The following NT5C2 variants were observed in gnomAD, a reference collection of about 807,000 sequenced individuals.
NT5C2 encodes cytosolic purine 5'-nucleotidase.
In NT5C2, 58 loss-of-function variants were observed where a neutral mutation model predicts 76.1. The observed-to-expected ratio is 0.76, with a 90% CI of 0.62 to 0.95. The LOEUF (loss-of-function observed/expected upper bound fraction) is 0.95, where lower values mean the gene tolerates loss of function less well. NT5C2 is among the 40% of genes least tolerant of loss of function. The probability of loss-of-function intolerance (pLI) is 0.00; values close to 1 mark genes in which losing one functional copy is unlikely to be tolerated. For synonymous variants in NT5C2, 229 were observed against 237.4 expected, an observed-to-expected ratio of 0.96 and a Z score of 0.32; for missense variants, 478 against 690.3, an observed-to-expected ratio of 0.69 and a Z score of 3.45.
chr10:103,156,387 T>G (rs1248342964), intron 3 of NT5C2, among the ~76,000 whole-genome samples: 1 of 152,238 alleles, frequency 6.6e-6, no homozygotes, highest in Middle Eastern at 3.2e-3. Flanking sequence ...CCTCACTTCT[T>G]GGATCTATGG....
intron 3 of NT5C2, among the ~76,000 whole-genome samples, chr10:103,143,477 C>T (rs552442568): frequency 1.3e-5 from 2 of 152,172 alleles, no homozygotes; most frequent in East Asian, 3.9e-4. Flanking sequence ...GTTGCCCAGG[C>T]TGGAGTACAG....
intron 3 of NT5C2, chr10:103,153,524 T>G: frequency 1.0e-6 from 1 of 985,312 alleles, no homozygotes; most frequent in Non-Finnish European, 1.2e-6. Context: ...TTTTTAAAAA[T>G]TTCAAGACTA....
chr10:103,097,929 T>C (rs1157948816), intron 10 of NT5C2: 1 of 468,090 alleles, frequency 2.1e-6, no homozygotes, highest in South Asian at 1.6e-5. Flanking sequence ...CCTTCTCGCA[T>C]AGCAAATAGA....
At chr10:103,095,796 T>G (rs2068026833) in intron 12 of NT5C2, 143 bp downstream of exon 12, 1 of 685,752 alleles carries the variant, frequency 1.5e-6, no homozygotes, top group Non-Finnish European at 2.5e-6. Context: ...TTACTTCTAA[T>G]GTTAATGAAG....
intron 3 of NT5C2, among the ~76,000 whole-genome samples, chr10:103,163,885 C>G (rs999058463): frequency 6.8e-6 from 1 of 146,204 alleles, no homozygotes; most frequent in Non-Finnish European, 1.5e-5. Context: ...AAAAAAAAAA[C>G]CTGGTGGCAC....
At chr10:103,112,238 A>C (rs1392913335) in intron 4 of NT5C2, among the ~76,000 whole-genome samples, 1 of 152,180 alleles carries the variant, frequency 6.6e-6, no homozygotes, top group Non-Finnish European at 1.5e-5. Flanking sequence ...TAAAGGATAC[A>C]AATACCAGAG....
At chr10:103,107,843 A>G (rs1442337189) in intron 4 of NT5C2, among the ~76,000 whole-genome samples, 1 of 151,978 alleles carries the variant, frequency 6.6e-6, no homozygotes, top group Non-Finnish European at 1.5e-5. Flanking sequence ...AGAGTTTACT[A>G]CTGAAATTCA....
chr10:103,157,064 T>C (rs2083565821), intron 3 of NT5C2, among the ~76,000 whole-genome samples: 1 of 149,170 alleles, frequency 6.7e-6, no homozygotes, highest in Non-Finnish European at 1.5e-5. Context: ...TACTCTTATA[T>C]ATATTATATA....
chr10:103,170,985 A>C (rs2087827368), intron 3 of NT5C2, among the ~76,000 whole-genome samples: 2 of 152,200 alleles, frequency 1.3e-5, no homozygotes. Flanking sequence ...CATATAACAT[A>C]ATCTTTTCCA....
At chr10:103,186,969 G>C (rs1014221717) in intron 1 of NT5C2, among the ~76,000 whole-genome samples, 1 of 151,590 alleles carries the variant, frequency 6.6e-6, no homozygotes, top group African/African-American at 2.4e-5. Context: ...TCTAATGTTA[G>C]GCCAGGGGCG....
At chr10:103,175,588 C>T (rs2089679092) in intron 2 of NT5C2, 3 of 209,926 alleles carry the variant, frequency 1.4e-5, no homozygotes, top group African/African-American at 2.3e-5. Flanking sequence ...CCTCGGAAGA[C>T]GTGACCACCA....
chr10:103,092,375 C>G (rs917830183), intron 15 of NT5C2, among the ~76,000 whole-genome samples: 1 of 152,124 alleles, frequency 6.6e-6, no homozygotes, highest in East Asian at 1.9e-4. Flanking sequence ...TCTTTATACA[C>G]ATATTACCTC....
chr10:103,165,922 G>C (rs2086256760), intron 3 of NT5C2, among the ~76,000 whole-genome samples: 1 of 151,504 alleles, frequency 6.6e-6, no homozygotes, highest in Non-Finnish European at 1.5e-5. Context: ...CGCCTGGCTT[G>C]GCCTCCCAAA....
At chr10:103,125,152 T>A (rs997220520) in intron 4 of NT5C2, 1 of 564,958 alleles carries the variant, frequency 1.8e-6, no homozygotes, top group Non-Finnish European at 3.2e-6. Context: ...ACCATTTTTC[T>A]AGATCTTTGA....
chr10:103,140,459 C>A (rs1297893464), intron 3 of NT5C2, among the ~76,000 whole-genome samples: 1 of 152,114 alleles, frequency 6.6e-6, no homozygotes, highest in Non-Finnish European at 1.5e-5. Context: ...CAACAGATAT[C>A]TTTTTTCCAT....
intron 15 of NT5C2, 22 bp downstream of exon 15, chr10:103,093,117 C>A: frequency 1.3e-6 from 2 of 1,529,468 alleles, no homozygotes; most frequent in East Asian, 2.4e-5. Flanking sequence ...TAAATTACAC[C>A]AAAGATTTAT....
At chr10:103,092,059 T>C (rs547423446) in intron 15 of NT5C2, among the ~76,000 whole-genome samples, 1 of 152,188 alleles carries the variant, frequency 6.6e-6, no homozygotes, top group Non-Finnish European at 1.5e-5. Flanking sequence ...AGGTAGAAAG[T>C]TGAAAATGTG....
chr10:103,181,674 G>A (rs1426396413), intron 1 of NT5C2, among the ~76,000 whole-genome samples: 1 of 152,192 alleles, frequency 6.6e-6, no homozygotes, highest in African/African-American at 2.4e-5. Context: ...ATGTAGTACA[G>A]TAATATTCTT....
intron 1 of NT5C2, among the ~76,000 whole-genome samples, chr10:103,183,832 T>C (rs2091647043): frequency 6.6e-6 from 1 of 152,108 alleles, no homozygotes; most frequent in South Asian, 2.1e-4. Flanking sequence ...AATAAAATAG[T>C]TTAAGATGAA....
Sources: allele counts gnomAD v4.1 joint callset (sites outside exome capture counted in the v4.1 genomes callset), GRCh38; gene constraint gnomAD v4.1.1; transcripts MANE v1.5; gene names NCBI Gene and HGNC (gene_info 2026-07-23, HGNC 2026-07-21).